Variants in FAM107B observed in about 807,000 individuals in gnomAD.
FAM107B encodes protein FAM107B.
A neutral mutation model predicts 31.5 loss-of-function variants in FAM107B; 21 were observed. That is an observed-to-expected ratio of 0.67 (90% CI 0.47 to 0.96). The LOEUF (loss-of-function observed/expected upper bound fraction) is 0.96, where lower values mean the gene tolerates loss of function less well. Ranked by LOEUF, FAM107B falls within the 40% of genes least tolerant of loss-of-function variation. FAM107B has a pLI of 0.00. For missense variants in FAM107B, 452 were observed against 377.1 expected, an observed-to-expected ratio of 1.20 and a Z score of -1.64; for synonymous variants, 157 against 141.5, an observed-to-expected ratio of 1.11 and a Z score of -0.78.
chr10:14,522,557 A>G (rs1160041004), intron 3 of FAM107B, among the ~76,000 whole-genome samples: 1 of 152,062 alleles, frequency 6.6e-6, no homozygotes, highest in African/African-American at 2.4e-5. Flanking sequence ...CTGGGATTAC[A>G]GGCGTGCACC....
At chr10:14,736,251 A>T (rs1426054471) in intron 1 of FAM107B, among the ~76,000 whole-genome samples, 1 of 152,242 alleles carries the variant, frequency 6.6e-6, no homozygotes, top group African/African-American at 2.4e-5. Flanking sequence ...ACAGGAAGTC[A>T]TTAGGTCAAA....
At chr10:14,757,748 G>A (rs1003641359) in intron 1 of FAM107B, among the ~76,000 whole-genome samples, 1 of 152,124 alleles carries the variant, frequency 6.6e-6, no homozygotes, top group African/African-American at 2.4e-5. Flanking sequence ...AAGCAGGCAG[G>A]GCCTTTTTCT....
At chr10:14,732,267 G>T (rs560223978) in intron 1 of FAM107B, among the ~76,000 whole-genome samples, 1 of 152,164 alleles carries the variant, frequency 6.6e-6, no homozygotes, top group African/African-American at 2.4e-5. Context: ...GCAAGCAAGC[G>T]TGAGGACATG....
At chr10:14,663,886 C>CCA (rs1854330313) in intron 2 of FAM107B, among the ~76,000 whole-genome samples, 2 of 7,758 alleles carry the variant, frequency 2.6e-4, no homozygotes, top group Non-Finnish European at 5.9e-4. Context: ...AGATCATCAG[C>CCA]CAAAAAAAAA....
intron 2 of FAM107B, among the ~76,000 whole-genome samples, chr10:14,535,436 C>T (rs1847507093): frequency 6.6e-6 from 1 of 152,168 alleles, no homozygotes; most frequent in Non-Finnish European, 1.5e-5. Flanking sequence ...TATTTAGAGG[C>T]CTGGAAAACT....
At chr10:14,582,622 C>T (rs1045371833) in intron 2 of FAM107B, among the ~76,000 whole-genome samples, 2 of 151,660 alleles carry the variant, frequency 1.3e-5, no homozygotes, top group Non-Finnish European at 2.9e-5. Context: ...TGTGATCTGC[C>T]CCCCTCGGCC....
chr10:14,599,195 A>G (rs1187838511), intron 2 of FAM107B, among the ~76,000 whole-genome samples: 1 of 152,046 alleles, frequency 6.6e-6, no homozygotes, highest in Non-Finnish European at 1.5e-5. Flanking sequence ...ACTTGACAAC[A>G]CATACATAAC....
intron 2 of FAM107B, among the ~76,000 whole-genome samples, chr10:14,598,395 G>A (rs977235768): frequency 1.3e-5 from 2 of 152,164 alleles, no homozygotes; most frequent in Non-Finnish European, 2.9e-5. Flanking sequence ...AAGCAGTTCC[G>A]CCACAAGCAC....
rs201311573 is a variant in FAM107B, at chr10:14,595,098, T to TG, written c.470-64584dup. On this transcript the variant is annotated intron_variant, in intron 2 of 4. Coordinates refer to ENST00000181796, the MANE Select transcript of FAM107B (RefSeq NM_031453.4). ...GAAAAGATCACTGATTAACTAAGACTGGGGGTGGGAGGGGGAACTGACTGC... is the reference window on the plus strand; with the variant it reads ...GAAAAGATCACTGATTAACTAAGACTGGGGGGTGGGAGGGGGAACTGACTGC... 8.4e-4 allele frequency among the ~76,000 whole-genome samples: 115 copies of TG among 137,220 alleles called. No homozygotes were observed. The East Asian group carries it at 0.024, about 28-fold the overall frequency. 90.0% of individuals were successfully genotyped at this position (137,220 alleles called of 152,430 possible).
chr10:14,752,112 A>C (rs895689499), intron 1 of FAM107B, among the ~76,000 whole-genome samples: 3 of 152,280 alleles, frequency 2.0e-5, no homozygotes, highest in African/African-American at 7.2e-5. Flanking sequence ...GTTTCCCAAT[A>C]TCCCATCTGC....
chr10:14,731,323 G>A (rs1237010926), intron 1 of FAM107B, among the ~76,000 whole-genome samples: 6 of 152,100 alleles, frequency 3.9e-5, no homozygotes, highest in Admixed American at 3.3e-4. Context: ...GCAGTATGGG[G>A]GGCCGAGGCA....
intron 1 of FAM107B, among the ~76,000 whole-genome samples, chr10:14,715,179 G>A (rs912072178): frequency 2.6e-5 from 4 of 152,094 alleles, no homozygotes; most frequent in African/African-American, 7.2e-5. Context: ...TACAAAGAGT[G>A]GGGGAAATAT....
Position 14,774,350 on chromosome 10 carries a change from G to A in FAM107B, c.314C>T (p.Pro105Leu). 1 of 1,614,206 alleles carries A rather than the reference G, an allele frequency of 6.2e-7. No individual in the cohort carries two copies. The highest frequency in any genetic ancestry group is 8.5e-7 in the Non-Finnish European group (1 of 1,180,046). The change falls in exon 1 of 5, where the codon CCT (proline) becomes CTT (leucine). Residue 105 changes from proline to leucine, a missense_variant. Transcript: ENST00000181796. ...HRTAAQPAET[P>L]EDVPGSLDDG... is the part of the protein sequence containing the mutation. Reference sequence around the variant, plus strand: ...ATCCAGGGACCCGGGCACATCTTCAGGCGTCTCCGCGGGCTGGGCCGCAGT... The same window carrying A: ...ATCCAGGGACCCGGGCACATCTTCAAGCGTCTCCGCGGGCTGGGCCGCAGT...
chr10:14,682,201 A>ACAGTATG (rs1230171946), intron 1 of FAM107B, among the ~76,000 whole-genome samples: 17 of 152,236 alleles, frequency 1.1e-4, no homozygotes, highest in Non-Finnish European at 2.5e-4. Context: ...AGTATGCAGA[A>ACAGTATG]CAGACACAAA....
intron 2 of FAM107B, among the ~76,000 whole-genome samples, chr10:14,653,683 T>C (rs3740116): frequency 0.2 from 30,317 of 152,176 alleles, 3,136 homozygotes; most frequent in East Asian, 0.3. Context: ...TATTCATTAC[T>C]GAAATCACAA....
chr10:14,600,766 G>C (rs568717175), intron 2 of FAM107B, among the ~76,000 whole-genome samples: 1 of 151,444 alleles, frequency 6.6e-6, no homozygotes. Flanking sequence ...CAGCCTCCAG[G>C]GTAGCTGGGA....
intron 1 of FAM107B, among the ~76,000 whole-genome samples, chr10:14,678,459 T>C (rs948390597): frequency 1.3e-5 from 2 of 152,160 alleles, no homozygotes; most frequent in Non-Finnish European, 2.9e-5. Context: ...AACTTCCATG[T>C]TCATGGCATT....
chr10:14,692,227 G>A (rs1564627581), intron 1 of FAM107B, among the ~76,000 whole-genome samples: 1 of 152,108 alleles, frequency 6.6e-6, no homozygotes, highest in East Asian at 1.9e-4. Flanking sequence ...AAAGGAGAAG[G>A]GACAAGCAAA....
At chr10:14,743,028 TC>T (rs929665441) in intron 1 of FAM107B, among the ~76,000 whole-genome samples, 1 of 152,168 alleles carries the variant, frequency 6.6e-6, no homozygotes, top group Admixed American at 6.6e-5. Context: ...CTGGCTTTCT[TC>T]CCACCTCTGT....
Sources: allele counts gnomAD v4.1 joint callset (sites outside exome capture counted in the v4.1 genomes callset), GRCh38; gene constraint gnomAD v4.1.1; transcripts MANE v1.5; gene names NCBI Gene and HGNC (gene_info 2026-07-23, HGNC 2026-07-21).